Variants in GRID1 observed in about 807,000 individuals in gnomAD.
GRID1 encodes the protein glutamate receptor ionotropic, delta-1.
A neutral mutation model predicts 98.0 loss-of-function variants in GRID1; 28 were observed. That is an observed-to-expected ratio of 0.29 (90% CI 0.21 to 0.39). The LOEUF (loss-of-function observed/expected upper bound fraction) is 0.39, where lower values mean the gene tolerates loss of function less well. Among genes scored for constraint, GRID1 ranks in the 10% least tolerant of loss-of-function variants. The pLI, the probability that GRID1 is intolerant of heterozygous loss-of-function variation, is 1.00. For missense variants in GRID1, 1,111 were observed against 1,340.5 expected (o/e 0.83, Z 2.67); for synonymous variants, 553 against 538.5 (o/e 1.03, Z -0.37).
intron 4 of GRID1, among the ~76,000 whole-genome samples, chr10:85,924,880 C>T (rs1841753521): frequency 6.6e-6 from 1 of 152,152 alleles, no homozygotes; most frequent in Non-Finnish European, 1.5e-5. Flanking sequence ...CAGAAGCGCC[C>T]GCTCACAGCC....
In GRID1 at chr10:86,192,432, T is replaced by C. The variant is rs1305884402; in HGVS notation, c.520+13932A>G. Among the ~76,000 whole-genome samples the C allele has an allele frequency of 1.3e-5, 2 of 152,036 alleles. No homozygotes were observed. The highest frequency in any genetic ancestry group is 2.4e-5 in the African/African-American group (1 of 41,378). On this transcript the variant is annotated intron_variant, in intron 3 of 15. Transcript: ENST00000327946. This position sits in a 1 kb window ranked among gnomAD's most constrained non-coding sequence, Gnocchi z 4.8. Reference sequence around the variant, plus strand: ...CACTATGCTAAGTGAAATAAGCCAGTCTCAAGGAACAAATACGGTACGAGT... The same window carrying C: ...CACTATGCTAAGTGAAATAAGCCAGCCTCAAGGAACAAATACGGTACGAGT...
At chr10:86,332,628 C>A (rs965602602) in intron 2 of GRID1, among the ~76,000 whole-genome samples, 3 of 152,102 alleles carry the variant, frequency 2.0e-5, no homozygotes, top group Non-Finnish European at 2.9e-5. Flanking sequence ...CCTGCCTCAT[C>A]CCCTCTGGGG....
chr10:85,624,817 GA>G (rs968798078), intron 13 of GRID1, among the ~76,000 whole-genome samples: 2 of 151,970 alleles, frequency 1.3e-5, no homozygotes, highest in African/African-American at 4.8e-5. Context: ...GAATTTCACC[GA>G]AAAAGTAACC....
In GRID1 at chr10:85,599,802, A is replaced by AAAAAATATATATATATATATATATATAT; in HGVS notation, c.*2470_*2471insATATATATATATATATATATATATTTTT. 4.6e-5 allele frequency: 3 copies of AAAAAATATATATATATATATATATATAT among 64,976 alleles called. No homozygotes were observed. Among genetic ancestry groups the AAAAAATATATATATATATATATATATAT allele is most frequent in the Middle Eastern group, 0.011 (1 of 88 alleles). The allele number at this position is 64,976 out of a possible 1,614,324, so 4.0% of individuals were successfully genotyped here. On this transcript the variant is annotated 3_prime_UTR_variant, in exon 16 of 16. Coordinates refer to ENST00000327946, the MANE Select transcript of GRID1 (RefSeq NM_017551.3). The stretch of plus-strand genomic sequence containing the variant: ...GTAGAAAATTCTAAAAAAAAAAAAA[A>AAAAAATATATATATATATATATATATAT]ATATATATATATATATATAAACATG...
rs374240732 is a variant in GRID1 at position 85,877,198 on chromosome 10, C to G, written c.781-8018G>C. Among the ~76,000 whole-genome samples, 192 of 152,268 alleles carry G rather than the reference C, an allele frequency of 1.3e-3. 1 individual carries two copies. The highest frequency in any genetic ancestry group is 4.5e-3 in the African/African-American group (188 of 41,514). Reference sequence around the variant, plus strand: ...GGGGCAGGGCACAGACAAACAAAAACACAGCAGTAACCTCTGCAAACTTAA... The same window carrying G: ...GGGGCAGGGCACAGACAAACAAAAAGACAGCAGTAACCTCTGCAAACTTAA... On this transcript the variant is annotated intron_variant, in intron 5 of 15. Transcript: ENST00000327946.
At chr10:86,080,345 A>G (rs1323889287) in intron 4 of GRID1, among the ~76,000 whole-genome samples, 1 of 145,310 alleles carries the variant, frequency 6.9e-6, no homozygotes, top group Non-Finnish European at 1.5e-5. Flanking sequence ...AAAATAAAAG[A>G]GAGAGAGAGA....
At chr10:85,874,629 G>A (rs567395100) in intron 5 of GRID1, among the ~76,000 whole-genome samples, 27 of 152,170 alleles carry the variant, frequency 1.8e-4, no homozygotes, top group East Asian at 1.5e-3. Context: ...TCTTCTCCAC[G>A]TTCAGGAATG....
chr10:85,847,393 T>C (rs776029760), intron 8 of GRID1, among the ~76,000 whole-genome samples: 4 of 152,312 alleles, frequency 2.6e-5, no homozygotes, highest in East Asian at 1.9e-4. Context: ...CTCTTTAATG[T>C]GAAATAGTAA....
intron 4 of GRID1, among the ~76,000 whole-genome samples, chr10:86,072,712 C>G (rs948343596): frequency 1.1e-4 from 17 of 152,142 alleles, no homozygotes; most frequent in Non-Finnish European, 4.4e-5. Context: ...GGTTTTCATC[C>G]ACCTACCCCA....
intron 8 of GRID1, among the ~76,000 whole-genome samples, chr10:85,744,498 T>G (rs1029598666): frequency 6.8e-6 from 1 of 147,852 alleles, no homozygotes; most frequent in African/African-American, 2.5e-5. Context: ...TAAATGGTGC[T>G]GGGAAAACTG....
chr10:86,260,826 G>A (rs4934173), intron 2 of GRID1, among the ~76,000 whole-genome samples: 28,600 of 152,216 alleles, frequency 0.19, 2,820 homozygotes, highest in Middle Eastern at 0.26. Context: ...CACATGCCAA[G>A]CCACTCGGCT....
chr10:85,626,402 G>A (rs1252450171), intron 13 of GRID1, among the ~76,000 whole-genome samples: 1 of 152,164 alleles, frequency 6.6e-6, no homozygotes, highest in Admixed American at 6.5e-5. Flanking sequence ...TTTGCTCTTG[G>A]ACCACTTCCT....
At chr10:85,771,306 A>G (rs1842264165) in intron 8 of GRID1, among the ~76,000 whole-genome samples, 1 of 152,252 alleles carries the variant, frequency 6.6e-6, no homozygotes, top group Admixed American at 6.5e-5. Flanking sequence ...CTGCCCTGAA[A>G]GAGCTCCTGA....
intron 2 of GRID1, among the ~76,000 whole-genome samples, chr10:86,319,499 T>C (rs957992711): frequency 5.3e-5 from 8 of 152,130 alleles, no homozygotes; most frequent in African/African-American, 1.7e-4. Context: ...CTTTTCTGCC[T>C]GGCATGGGAT....
intron 2 of GRID1, among the ~76,000 whole-genome samples, chr10:86,314,359 T>C (rs568114313): frequency 5.9e-5 from 9 of 152,288 alleles, no homozygotes; most frequent in Admixed American, 3.3e-4. Flanking sequence ...CTCCAGATGA[T>C]GGTAGGTGGC....
At chr10:86,308,736 C>T (rs910702690) in intron 2 of GRID1, among the ~76,000 whole-genome samples, 10 of 152,260 alleles carry the variant, frequency 6.6e-5, no homozygotes, top group African/African-American at 2.4e-4. Context: ...TTGAGGGGCC[C>T]ACATCTGCTG....
rs1395426805 is a variant in GRID1 at position 86,219,116 on chromosome 10, G to A, written c.236-12468C>T. Among the ~76,000 whole-genome samples the A allele has an allele frequency of 2.6e-5, 4 of 152,340 alleles. No individual in the cohort carries two copies. The East Asian group carries it at 7.7e-4, about 29-fold the overall frequency. On this transcript the variant is annotated intron_variant, in intron 2 of 15. Transcript: ENST00000327946. ...CTCTACAACTGCCTGGGCAGTTCAG[G>A]TGGGAGTGCATGCAGCCCTCTGTGC...
intron 4 of GRID1, among the ~76,000 whole-genome samples, chr10:85,954,282 G>A (rs1057427489): frequency 7.2e-5 from 11 of 152,096 alleles, no homozygotes; most frequent in Non-Finnish European, 1.3e-4. Context: ...AACAGAAAGA[G>A]GTTTACCATC....
intron 4 of GRID1, among the ~76,000 whole-genome samples, chr10:86,119,737 C>T (rs921908906): frequency 5.3e-5 from 8 of 152,106 alleles, no homozygotes; most frequent in Non-Finnish European, 1.0e-4. Flanking sequence ...CTTTCAAGAA[C>T]ACAGATGTGA....
Sources: allele counts gnomAD v4.1 joint callset (sites outside exome capture counted in the v4.1 genomes callset), GRCh38; gene constraint gnomAD v4.1.1; non-coding constraint Gnocchi (gnomAD v3.1); transcripts MANE v1.5; gene names NCBI Gene and HGNC (gene_info 2026-07-23, HGNC 2026-07-21).